Variants in NCOA2 observed in about 807,000 individuals in gnomAD.
NCOA2 encodes nuclear receptor coactivator 2, also known as class E basic helix-loop-helix protein 75.
In NCOA2, 21 loss-of-function variants were observed where a neutral mutation model predicts 145.1. That is an observed-to-expected ratio of 0.14 (90% CI 0.10 to 0.21). The LOEUF is 0.21. Ranked by LOEUF, NCOA2 falls within the 10% of genes least tolerant of loss-of-function variation. The pLI is 1.00. For missense variants in NCOA2, 1,472 were observed against 1,837.6 expected (o/e 0.80, Z 3.64); for synonymous variants, 619 against 637.5 (o/e 0.97, Z 0.44).
chr8:70,420,795 C>T, the NCOA2 span, among the ~76,000 whole-genome samples: 1 of 152,076 alleles, frequency 6.6e-6, no homozygotes, highest in African/African-American at 2.4e-5. Context: ...CAAGCCTGCA[C>T]CACCACGCCC....
chr8:70,436,777 C>T, the NCOA2 span, among the ~76,000 whole-genome samples: 1 of 152,178 alleles, frequency 6.6e-6, no homozygotes, highest in African/African-American at 2.4e-5. Context: ...ACTCACAACC[C>T]TGACACTAAG....
chr8:70,391,606 C>T (rs2131621982), intron 1 of NCOA2, among the ~76,000 whole-genome samples: 1 of 152,308 alleles, frequency 6.6e-6, no homozygotes, highest in East Asian at 1.9e-4. Context: ...ACTTAATTTC[C>T]TAACAGTTCT....
At chr8:70,441,057 GA>G in the NCOA2 span, among the ~76,000 whole-genome samples, 3 of 6,466 alleles carry the variant, frequency 4.6e-4, no homozygotes, top group Non-Finnish European at 6.7e-3. Flanking sequence ...AGAAAAGAAA[GA>G]GAGAAAGAAA....
At chr8:70,218,350 G>A (rs1376925656) in intron 2 of NCOA2, among the ~76,000 whole-genome samples, 1 of 152,094 alleles carries the variant, frequency 6.6e-6, no homozygotes, top group East Asian at 1.9e-4. Context: ...GCTTCTTGCT[G>A]GTTAGAGCAA....
intron 1 of NCOA2, among the ~76,000 whole-genome samples, chr8:70,362,355 A>T (rs1486159035): frequency 6.6e-6 from 1 of 152,214 alleles, no homozygotes; most frequent in Admixed American, 6.5e-5. Context: ...CCATCAAAGA[A>T]TAATTGATAA....
At chr8:70,134,910 A>G (rs1809555028) in intron 15 of NCOA2, among the ~76,000 whole-genome samples, 1 of 152,086 alleles carries the variant, frequency 6.6e-6, no homozygotes, top group African/African-American at 2.4e-5. Context: ...TCCTGCTTGC[A>G]TGGTATCTCT....
intron 4 of NCOA2, among the ~76,000 whole-genome samples, chr8:70,189,460 A>T (rs1816440149): frequency 6.6e-6 from 1 of 152,148 alleles, no homozygotes; most frequent in Non-Finnish European, 1.5e-5. Flanking sequence ...GTGTATCTCT[A>T]TTCACCATGC....
chr8:70,265,751 A>AT (rs1824517360), intron 2 of NCOA2, among the ~76,000 whole-genome samples: 1 of 152,058 alleles, frequency 6.6e-6, no homozygotes, highest in South Asian at 2.1e-4. Flanking sequence ...CCTCTGATCT[A>AT]TTTTCTCTCC....
chr8:70,442,533 A>C, the NCOA2 span, among the ~76,000 whole-genome samples: 1 of 152,200 alleles, frequency 6.6e-6, no homozygotes, highest in African/African-American at 2.4e-5. Flanking sequence ...AAAAACCTTC[A>C]TTTGCATGAA....
At chr8:70,340,408 C>T (rs1041676011) in intron 1 of NCOA2, among the ~76,000 whole-genome samples, 1 of 152,112 alleles carries the variant, frequency 6.6e-6, no homozygotes, top group African/African-American at 2.4e-5. Flanking sequence ...CCATCTCACG[C>T]CAGTCAGAAT....
At chr8:70,152,157 T>C (rs1811820907) in intron 11 of NCOA2, among the ~76,000 whole-genome samples, 1 of 152,244 alleles carries the variant, frequency 6.6e-6, no homozygotes, top group Non-Finnish European at 1.5e-5. Flanking sequence ...TTTGAGTTGT[T>C]AGTTTAAACT....
chr8:70,178,673 T>C (rs752853269), intron 4 of NCOA2, among the ~76,000 whole-genome samples: 6 of 152,174 alleles, frequency 3.9e-5, no homozygotes, highest in Non-Finnish European at 5.9e-5. Context: ...GAGCACAACA[T>C]AGGGCTAAAC....
intron 1 of NCOA2, among the ~76,000 whole-genome samples, chr8:70,383,637 C>G (rs553192229): frequency 9.2e-5 from 14 of 152,206 alleles, no homozygotes; most frequent in African/African-American, 2.9e-4. Context: ...TCCCGAGTAG[C>G]TGGGATTACA....
chr8:70,269,503 G>A (rs1824878863), intron 2 of NCOA2, among the ~76,000 whole-genome samples: 1 of 151,984 alleles, frequency 6.6e-6, no homozygotes, highest in African/African-American at 2.4e-5. Context: ...AATGTCAGTC[G>A]GGATCCACAG....
the NCOA2 span, among the ~76,000 whole-genome samples, chr8:70,417,943 C>T: frequency 1.3e-5 from 2 of 151,898 alleles, no homozygotes; most frequent in Non-Finnish European, 2.9e-5. Flanking sequence ...GTGGCCAGGT[C>T]GCAATCTTAA....
chr8:70,161,789 G>A (rs1813042134), intron 9 of NCOA2, among the ~76,000 whole-genome samples: 1 of 152,196 alleles, frequency 6.6e-6, no homozygotes, highest in African/African-American at 2.4e-5. Flanking sequence ...TGGCGCAGCT[G>A]ACAGTGCATG....
intron 11 of NCOA2, among the ~76,000 whole-genome samples, chr8:70,153,196 T>A (rs749548731): frequency 2.6e-5 from 4 of 152,232 alleles, no homozygotes. Context: ...GACCAGAGAC[T>A]GGATTTCATT....
At chr8:70,123,035 T>C (rs1807994096) in intron 21 of NCOA2, among the ~76,000 whole-genome samples, 1 of 152,214 alleles carries the variant, frequency 6.6e-6, no homozygotes, top group Non-Finnish European at 1.5e-5. Flanking sequence ...GTAAATACCA[T>C]GGTACAATTA....
At chr8:70,162,573 G>T in intron 9 of NCOA2, 138 bp downstream of exon 9, 1 of 808,386 alleles carries the variant, frequency 1.2e-6, no homozygotes, top group Non-Finnish European at 1.8e-6. Flanking sequence ...TTTTCCTTTA[G>T]ATGGCAACAC....
Sources: allele counts gnomAD v4.1 joint callset (sites outside exome capture counted in the v4.1 genomes callset), GRCh38; gene constraint gnomAD v4.1.1; transcripts MANE v1.5; gene names NCBI Gene and HGNC (gene_info 2026-07-23, HGNC 2026-07-21).